SORCS3: variants seen among roughly 807,000 people sequenced by gnomAD.
The protein encoded by SORCS3 is sortilin related VPS10 domain containing receptor 3.
A neutral mutation model predicts 146.3 loss-of-function variants in SORCS3; 57 were observed. The observed-to-expected ratio is 0.39, with a 90% CI of 0.31 to 0.49. SORCS3 has a LOEUF of 0.49. SORCS3 is among the 20% of genes least tolerant of loss of function. The probability of loss-of-function intolerance (pLI) is 0.92; values close to 1 mark genes in which losing one functional copy is unlikely to be tolerated. For synonymous variants in SORCS3, 653 were observed against 618.5 expected, an observed-to-expected ratio of 1.06 and a Z score of -0.83; for missense variants, 1,341 against 1,575.5, an observed-to-expected ratio of 0.85 and a Z score of 2.52.
chr10:104,892,594 G>A (rs1166677029), intron 2 of SORCS3, among the ~76,000 whole-genome samples: 2 of 152,080 alleles, frequency 1.3e-5, no homozygotes, highest in African/African-American at 4.8e-5. Flanking sequence ...GTGGTGGCGT[G>A]TGCCTGTAGT....
chr10:104,766,387 G>A (rs2017180153), intron 1 of SORCS3, among the ~76,000 whole-genome samples: 2 of 152,208 alleles, frequency 1.3e-5, no homozygotes, highest in African/African-American at 4.8e-5. Flanking sequence ...AGGAACCATT[G>A]CATGGAGCAA....
At chr10:104,803,577 C>T (rs1011970711) in intron 1 of SORCS3, among the ~76,000 whole-genome samples, 1 of 152,186 alleles carries the variant, frequency 6.6e-6, no homozygotes, top group Non-Finnish European at 1.5e-5. Context: ...TTGAAAATCA[C>T]TTCTGTAAGC....
At chr10:105,207,084 G>A (rs2056606649) in intron 16 of SORCS3, among the ~76,000 whole-genome samples, 1 of 152,070 alleles carries the variant, frequency 6.6e-6, no homozygotes, top group African/African-American at 2.4e-5. Context: ...GAGCCAGTGG[G>A]TGCCCTATGG....
intron 1 of SORCS3, among the ~76,000 whole-genome samples, chr10:104,820,080 A>G (rs1288422606): frequency 3.3e-5 from 5 of 152,192 alleles, no homozygotes; most frequent in Non-Finnish European, 5.9e-5. Context: ...CCAAGCTGTC[A>G]TGGTAACTTC....
At chr10:104,817,819 A>G (rs903179076) in intron 1 of SORCS3, among the ~76,000 whole-genome samples, 2 of 151,084 alleles carry the variant, frequency 1.3e-5, no homozygotes, top group African/African-American at 2.4e-5. Context: ...TGGTCCCACA[A>G]TAGGAAGTAC....
At chr10:104,928,052 A>G (rs1454841643) in intron 3 of SORCS3, among the ~76,000 whole-genome samples, 2 of 152,126 alleles carry the variant, frequency 1.3e-5, no homozygotes, top group South Asian at 2.1e-4. Context: ...GGAAAGGGCA[A>G]TCTGATAAGG....
At chr10:104,711,873 G>A (rs2016420128) in intron 1 of SORCS3, among the ~76,000 whole-genome samples, 1 of 152,170 alleles carries the variant, frequency 6.6e-6, no homozygotes, top group South Asian at 2.1e-4. Context: ...GAGGACATAG[G>A]AAGGGAAGGG....
intron 2 of SORCS3, among the ~76,000 whole-genome samples, chr10:104,852,872 C>G (rs942894979): frequency 1.3e-5 from 2 of 152,202 alleles, no homozygotes; most frequent in Admixed American, 1.3e-4. Context: ...GCAATTAACA[C>G]TGATCTTAGA....
chr10:105,162,022 A>T (rs750867), intron 11 of SORCS3, among the ~76,000 whole-genome samples: 42,765 of 151,990 alleles, frequency 0.28, 6,240 homozygotes, highest in Admixed American at 0.38. Flanking sequence ...TGCAGGGGCA[A>T]GTTGCTTGTA....
chr10:105,152,631 T>A (rs1338280611), intron 9 of SORCS3, among the ~76,000 whole-genome samples: 1 of 152,176 alleles, frequency 6.6e-6, no homozygotes, highest in Non-Finnish European at 1.5e-5. Context: ...CTGAAATGGG[T>A]ATCAGTTCTT....
At chr10:105,175,537 G>A (rs1247903261) in intron 13 of SORCS3, among the ~76,000 whole-genome samples, 1 of 152,158 alleles carries the variant, frequency 6.6e-6, no homozygotes, top group Non-Finnish European at 1.5e-5. Context: ...TGACTTGTTA[G>A]TAGCCACGAC....
chr10:104,963,806 G>T (rs2054811283), intron 3 of SORCS3, among the ~76,000 whole-genome samples: 1 of 152,094 alleles, frequency 6.6e-6, no homozygotes, highest in East Asian at 1.9e-4. Context: ...TTTCCCAGTT[G>T]TTCAGGCCCC....
At chr10:105,089,981 A>G (rs2055690839) in intron 6 of SORCS3, 142 bp downstream of exon 6, 5 of 651,598 alleles carry the variant, frequency 7.7e-6, no homozygotes, top group East Asian at 2.8e-5. Context: ...TTCCCAGAGT[A>G]AGGGTGAGAA....
At chr10:104,642,232 T>G (rs2015430502) in intron 1 of SORCS3, among the ~76,000 whole-genome samples, 1 of 152,010 alleles carries the variant, frequency 6.6e-6, no homozygotes, top group Non-Finnish European at 1.5e-5. Flanking sequence ...GGGGGAGGGA[T>G]CTGTGCTCAC....
At chr10:105,125,915 A>G (rs1459017733) in intron 7 of SORCS3, among the ~76,000 whole-genome samples, 3 of 152,148 alleles carry the variant, frequency 2.0e-5, no homozygotes. Flanking sequence ...TCCCAAAGAC[A>G]TATCATAACC....
intron 25 of SORCS3, among the ~76,000 whole-genome samples, chr10:105,258,641 T>G (rs1172133392): frequency 6.6e-6 from 1 of 152,208 alleles, no homozygotes; most frequent in Non-Finnish European, 1.5e-5. Context: ...TTTTTTTGTT[T>G]TGTTTTCTTT....
intron 5 of SORCS3, among the ~76,000 whole-genome samples, chr10:105,062,143 A>G (rs763556956): frequency 1.3e-5 from 2 of 152,236 alleles, no homozygotes; most frequent in Admixed American, 1.3e-4. Flanking sequence ...ATGAATAGCA[A>G]TAACAATAAG....
chr10:104,812,124 A>G (rs1465873881), intron 1 of SORCS3, among the ~76,000 whole-genome samples: 1 of 152,226 alleles, frequency 6.6e-6, no homozygotes, highest in Non-Finnish European at 1.5e-5. Flanking sequence ...AGAGATTTCC[A>G]TCTCTCTTGG....
chr10:104,794,148 G>A (rs531616586), intron 1 of SORCS3, among the ~76,000 whole-genome samples: 5 of 152,226 alleles, frequency 3.3e-5, no homozygotes, highest in African/African-American at 9.6e-5. Context: ...CCCCAACAGG[G>A]TCATTCATCT....
Sources: allele counts gnomAD v4.1 joint callset (sites outside exome capture counted in the v4.1 genomes callset), GRCh38; gene constraint gnomAD v4.1.1; transcripts MANE v1.5; gene names NCBI Gene and HGNC (gene_info 2026-07-23, HGNC 2026-07-21).